The following PARD3B variants were observed in gnomAD, a reference collection of about 807,000 sequenced individuals.
The protein encoded by PARD3B is partitioning defective 3 homolog B.
In PARD3B, 103 loss-of-function variants were observed where a neutral mutation model predicts 130.2. The observed-to-expected ratio is 0.79, with a 90% CI of 0.67 to 0.93. The LOEUF (loss-of-function observed/expected upper bound fraction) is 0.93, where lower values mean the gene tolerates loss of function less well. PARD3B is among the 40% of genes least tolerant of loss of function. PARD3B has a pLI of 0.00. For synonymous variants in PARD3B, 583 were observed against 553.2 expected (o/e 1.05, Z -0.76); for missense variants, 1,609 against 1,499.2 (o/e 1.07, Z -1.21).
intron 1 of PARD3B, among the ~76,000 whole-genome samples, chr2:204,586,978 T>C (rs2032854019): frequency 6.6e-6 from 1 of 152,206 alleles, no homozygotes; most frequent in Admixed American, 6.5e-5. Context: ...TGATTTCTTC[T>C]TGTGGAATAG....
At chr2:205,178,668 C>T (rs2035622303) in intron 13 of PARD3B, among the ~76,000 whole-genome samples, 3 of 152,130 alleles carry the variant, frequency 2.0e-5, no homozygotes, top group African/African-American at 7.2e-5. Context: ...CAACGTGTGG[C>T]CCAGTGTCTG....
intron 21 of PARD3B, among the ~76,000 whole-genome samples, chr2:205,519,996 GT>G (rs1242109101): frequency 6.6e-6 from 1 of 152,154 alleles, no homozygotes; most frequent in Non-Finnish European, 1.5e-5. Flanking sequence ...TGCTCTGAAA[GT>G]TTGGGTTCTC....
rs74454488 is a variant in PARD3B, at chr2:205,617,356, G to T, written c.*1543G>T. Reference sequence around the variant, plus strand: ...TTCTTTATTCCCTCCAAAAAAAAAAGTCTTGAGTTTAATTTAGGTCTATTT... The same window carrying T: ...TTCTTTATTCCCTCCAAAAAAAAAATTCTTGAGTTTAATTTAGGTCTATTT... On this transcript the variant is annotated 3_prime_UTR_variant, in exon 23 of 23. Transcript: ENST00000406610. The T allele has an allele frequency of 6.6e-6, 1 of 151,934 alleles. No homozygotes were observed. The highest frequency in any genetic ancestry group is 1.5e-5 in the Non-Finnish European group (1 of 67,980). 9.4% of individuals were successfully genotyped at this position (151,934 alleles called of 1,614,324 possible). A position where few individuals can be genotyped will look rare whatever the true frequency, so the allele number is the denominator to read the frequency against.
At chr2:204,935,158 T>C (rs1688323228) in intron 2 of PARD3B, among the ~76,000 whole-genome samples, 1 of 151,570 alleles carries the variant, frequency 6.6e-6, no homozygotes, top group Non-Finnish European at 1.5e-5. Context: ...TTTTTTTTTT[T>C]TTTTTACATT....
chr2:204,695,291 G>T (rs1000662146), intron 2 of PARD3B, among the ~76,000 whole-genome samples: 2 of 151,658 alleles, frequency 1.3e-5, no homozygotes, highest in Non-Finnish European at 2.9e-5. Context: ...TTTTACTTAT[G>T]TAACTTACGA....
chr2:204,965,630 A>G (rs1167807770), intron 3 of PARD3B, among the ~76,000 whole-genome samples: 1 of 152,128 alleles, frequency 6.6e-6, no homozygotes, highest in Non-Finnish European at 1.5e-5. Flanking sequence ...ATTCCTGAAA[A>G]AAACTCATTT....
rs2106093395 is a variant in PARD3B, at chr2:205,421,224, G to A, written c.2742-19146G>A. 6.6e-6 allele frequency among the ~76,000 whole-genome samples: 1 copy of A among 152,242 alleles called. No individual in the cohort carries two copies. The highest frequency in any genetic ancestry group is 1.9e-4 in the East Asian group (1 of 5,182). On this transcript the variant is annotated intron_variant, in intron 19 of 22. Transcript: ENST00000406610. This position sits in a 1 kb window ranked among gnomAD's most constrained non-coding sequence, Gnocchi z 5.1. ...ACGATATCTTTGTTTAGGAAAGAAA[G>A]GCCTAACATCATCTGTTTTAGACTC...
chr2:204,584,731 A>G (rs916219218), intron 1 of PARD3B, among the ~76,000 whole-genome samples: 1 of 152,186 alleles, frequency 6.6e-6, no homozygotes, highest in African/African-American at 2.4e-5. Flanking sequence ...AGGACTAGCA[A>G]GATTGTGAAT....
intron 18 of PARD3B, among the ~76,000 whole-genome samples, chr2:205,381,954 G>C (rs1174058672): frequency 6.6e-6 from 1 of 151,840 alleles, no homozygotes; most frequent in Non-Finnish European, 1.5e-5. Flanking sequence ...TTCAGTTTTA[G>C]ACTACCAGAA....
chr2:205,412,403 A>G (rs1037799366), intron 19 of PARD3B, among the ~76,000 whole-genome samples: 2 of 152,202 alleles, frequency 1.3e-5, no homozygotes, highest in Non-Finnish European at 1.5e-5. Context: ...GGCTGTTTAG[A>G]TGGAAGATAT....
chr2:205,391,802 C>T (rs1324723522), intron 18 of PARD3B, among the ~76,000 whole-genome samples: 1 of 152,146 alleles, frequency 6.6e-6, no homozygotes, highest in Non-Finnish European at 1.5e-5. Flanking sequence ...TTCTTGCCCA[C>T]TCATTCACGC....
chr2:204,763,154 A>G (rs1289658266), intron 2 of PARD3B, among the ~76,000 whole-genome samples: 2 of 152,124 alleles, frequency 1.3e-5, no homozygotes, highest in Non-Finnish European at 2.9e-5. Context: ...ATTTCTTCCT[A>G]AATATGCATC....
chr2:205,156,555 G>T (rs1316832011), intron 10 of PARD3B, among the ~76,000 whole-genome samples: 1 of 120,546 alleles, frequency 8.3e-6, no homozygotes, highest in Non-Finnish European at 1.8e-5. Context: ...AAAAAAAAAA[G>T]AGAGTCTGAC....
At chr2:205,018,755 G>A (rs75917124) in intron 3 of PARD3B, among the ~76,000 whole-genome samples, 6,128 of 66,104 alleles carry the variant, frequency 0.093, 280 homozygotes, top group Middle Eastern at 0.26. Flanking sequence ...AAAAAAGCAC[G>A]CTGATTAATA....
At chr2:204,576,501 A>G (rs955049287) in intron 1 of PARD3B, among the ~76,000 whole-genome samples, 2 of 152,140 alleles carry the variant, frequency 1.3e-5, no homozygotes, top group Non-Finnish European at 2.9e-5. Context: ...GGTTCTCAAC[A>G]TGATGACAGC....
At chr2:205,342,871 T>C (rs974742423) in intron 18 of PARD3B, among the ~76,000 whole-genome samples, 1 of 152,212 alleles carries the variant, frequency 6.6e-6, no homozygotes, top group African/African-American at 2.4e-5. Context: ...ACAAGATTAA[T>C]TTAACGGAAA....
chr2:204,851,801 T>C (rs545957558), intron 2 of PARD3B, among the ~76,000 whole-genome samples: 1 of 152,188 alleles, frequency 6.6e-6, no homozygotes, highest in South Asian at 2.1e-4. Flanking sequence ...CAAGTGATTC[T>C]CCTGCCTCAG....
chr2:204,929,364 A>T (rs1400429250), intron 2 of PARD3B, among the ~76,000 whole-genome samples: 1 of 152,140 alleles, frequency 6.6e-6, no homozygotes, highest in Admixed American at 6.6e-5. Context: ...CAATATTAGT[A>T]ACTTGAAGAA....
At chr2:204,883,446 T>TAAA (rs1271723465) in intron 2 of PARD3B, among the ~76,000 whole-genome samples, 6 of 103,778 alleles carry the variant, frequency 5.8e-5, no homozygotes, top group South Asian at 2.7e-4. Flanking sequence ...TATATATATA[T>TAAA]ATATATATAT....
Sources: allele counts gnomAD v4.1 joint callset (sites outside exome capture counted in the v4.1 genomes callset), GRCh38; gene constraint gnomAD v4.1.1; non-coding constraint Gnocchi (gnomAD v3.1); transcripts MANE v1.5; gene names NCBI Gene and HGNC (gene_info 2026-07-23, HGNC 2026-07-21).